The following ZNF383 variants were observed in gnomAD, a reference collection of about 807,000 sequenced individuals.
ZNF383 encodes zinc finger protein 383.
Under a neutral mutation model 44.2 loss-of-function variants are expected in ZNF383, and 32 were observed. The observed-to-expected ratio is 0.72, with a 90% confidence interval of 0.55 to 0.97. The LOEUF is 0.97. Ranked by LOEUF, ZNF383 falls within the 50% of genes least tolerant of loss-of-function variation. The probability of loss-of-function intolerance (pLI) is 0.00; values close to 1 mark genes in which losing one functional copy is unlikely to be tolerated. For missense variants in ZNF383, 487 were observed against 562.5 expected, an observed-to-expected ratio of 0.87 and a Z score of 1.36; for synonymous variants, 155 against 186.2, an observed-to-expected ratio of 0.83 and a Z score of 1.36.
intron 5 of ZNF383, among the ~76,000 whole-genome samples, chr19:37,236,346 G>A (rs927605112): frequency 2.6e-5 from 4 of 151,278 alleles, no homozygotes; most frequent in Non-Finnish European, 5.9e-5. Context: ...TATTTTACCC[G>A]TATTTTAGAT....
chr19:37,220,499 G>C (rs1006406657), intron 1 of ZNF383, among the ~76,000 whole-genome samples: 1 of 151,616 alleles, frequency 6.6e-6, no homozygotes, highest in Non-Finnish European at 1.5e-5. Flanking sequence ...CCTGACCTCA[G>C]GTGAGGCCTC....
rs530267458 is a variant in ZNF383 at position 37,246,271 on chromosome 19, C to G, written c.*2607C>G. On this transcript the variant is annotated 3_prime_UTR_variant, in exon 6 of 6. Coordinates refer to ENST00000684119, the MANE Select transcript of ZNF383 (RefSeq NM_001387601.1). ...GTGATATACTCATTATCATAAGTAT[C>G]TTCATTAGGATTTATGGAAAGGATT... 6.6e-6 allele frequency: 1 copy of G among 152,260 alleles called. No homozygotes were observed. The highest frequency in any genetic ancestry group is 1.5e-5 in the Non-Finnish European group (1 of 68,018). 9.4% of individuals were successfully genotyped at this position (152,260 alleles called of 1,614,324 possible).
intron 5 of ZNF383, among the ~76,000 whole-genome samples, chr19:37,236,679 T>C (rs1423689309): frequency 6.6e-6 from 1 of 151,800 alleles, no homozygotes; most frequent in Non-Finnish European, 1.5e-5. Flanking sequence ...AGGCGATTCT[T>C]CTGCCTCAGC....
chr19:37,229,379 G>A (rs983347404), intron 2 of ZNF383, among the ~76,000 whole-genome samples: 3 of 147,350 alleles, frequency 2.0e-5, no homozygotes, highest in Non-Finnish European at 4.5e-5. Flanking sequence ...GGCTGGTCTC[G>A]AACTCCCGAC....
In ZNF383 at chr19:37,248,675, C is replaced by A; in HGVS notation, c.*5011C>A. The A allele has an allele frequency of 6.6e-6, 1 of 152,116 alleles. No individual in the cohort carries two copies. The highest frequency in any genetic ancestry group is 1.9e-4 in the East Asian group (1 of 5,198). The allele number at this position is 152,116 out of a possible 1,614,324, so 9.4% of individuals were successfully genotyped here. On this transcript the variant is annotated 3_prime_UTR_variant, in exon 6 of 6. Coordinates refer to ENST00000684119, the MANE Select transcript of ZNF383 (RefSeq NM_001387601.1). ...TAACCTCAACATCTTCTAGATGAAC[C>A]CTTTTTTCTAGCAGTATTTGACAGG...
At chr19:37,231,101 G>C (rs1599790398) in intron 3 of ZNF383, among the ~76,000 whole-genome samples, 2 of 152,300 alleles carry the variant, frequency 1.3e-5, no homozygotes, top group East Asian at 3.9e-4. Flanking sequence ...AGTGATAATG[G>C]ATGTTTACAA....
intron 1 of ZNF383, among the ~76,000 whole-genome samples, chr19:37,221,051 C>T (rs1252912678): frequency 6.6e-6 from 1 of 152,144 alleles, no homozygotes; most frequent in African/African-American, 2.4e-5. Flanking sequence ...AGCATATATG[C>T]ATACCTTTCC....
intron 2 of ZNF383, among the ~76,000 whole-genome samples, chr19:37,229,051 TAATGGG>T (rs1412062675): frequency 6.6e-6 from 1 of 151,994 alleles, no homozygotes; most frequent in African/African-American, 2.4e-5. Context: ...ATTAGTTGGC[TAATGGG>T]ATCCCCTTTT....
At chr19:37,240,893 G>A (rs1974051733) in intron 5 of ZNF383, among the ~76,000 whole-genome samples, 1 of 152,142 alleles carries the variant, frequency 6.6e-6, no homozygotes, top group African/African-American at 2.4e-5. Flanking sequence ...GGCAGCCTCT[G>A]CCTCCTGGGT....
At chr19:37,229,147 A>ATTTTT (rs774901192) in intron 2 of ZNF383, among the ~76,000 whole-genome samples, 5 of 116,876 alleles carry the variant, frequency 4.3e-5, no homozygotes, top group Non-Finnish European at 7.0e-5. Context: ...AAAAGGTTGA[A>ATTTTT]TTTTTTTTTT....
chr19:37,222,584 G>T (rs1466661709), intron 1 of ZNF383, among the ~76,000 whole-genome samples: 2 of 152,134 alleles, frequency 1.3e-5, no homozygotes, highest in Admixed American at 1.3e-4. Flanking sequence ...CACCATGTTA[G>T]CCAGGCTGGT....
intron 5 of ZNF383, among the ~76,000 whole-genome samples, chr19:37,241,834 G>A (rs947091791): frequency 6.6e-6 from 1 of 151,422 alleles, no homozygotes; most frequent in African/African-American, 2.4e-5. Flanking sequence ...TTTCTCTCAG[G>A]AGACCTTTAA....
Position 37,242,510 on chromosome 19 carries a change from A to G in ZNF383, c.274A>G (p.Lys92Glu). The change falls in exon 6 of 6, where the codon AAG becomes GAG. Residue 92 changes from lysine to glutamate, a missense_variant. Coordinates refer to ENST00000684119, the MANE Select transcript of ZNF383 (RefSeq NM_001387601.1). ...MCETKLLSLK[K>E]EVYEIELCQR... Reference sequence around the variant, plus strand: ...TGAAACCAAGTTATTATCTCTAAAGAAGGAAGTTTATGAAATAGAATTATG... The same window carrying G: ...TGAAACCAAGTTATTATCTCTAAAGGAGGAAGTTTATGAAATAGAATTATG... 1 of 1,611,336 alleles carries G rather than the reference A, an allele frequency of 6.2e-7. No individual in the cohort carries two copies. The highest frequency in any genetic ancestry group is 8.5e-7 in the Non-Finnish European group (1 of 1,178,570).
intron 5 of ZNF383, among the ~76,000 whole-genome samples, chr19:37,240,835 TCTCA>T (rs751445753): frequency 2.0e-5 from 3 of 151,992 alleles, no homozygotes; most frequent in Non-Finnish European, 4.4e-5. Flanking sequence ...TGAGATGGAG[TCTCA>T]CTCTGTCACC....
At chr19:37,229,703 T>C (rs1181048368) in intron 2 of ZNF383, among the ~76,000 whole-genome samples, 1 of 146,202 alleles carries the variant, frequency 6.8e-6, no homozygotes, top group Non-Finnish European at 1.5e-5. Flanking sequence ...TATATGTATA[T>C]ATATATGTGT....
intron 5 of ZNF383, among the ~76,000 whole-genome samples, chr19:37,238,209 A>T (rs1973913682): frequency 6.6e-6 from 1 of 152,034 alleles, no homozygotes; most frequent in Admixed American, 6.6e-5. Context: ...ATTTTGAAGG[A>T]GAGACATTCA....
intron 5 of ZNF383, among the ~76,000 whole-genome samples, chr19:37,238,010 A>G (rs1170550707): frequency 4.6e-5 from 7 of 151,710 alleles, no homozygotes; most frequent in African/African-American, 1.7e-4. Context: ...CCACAGGCAC[A>G]CGTCACCACG....
chr19:37,235,920 G>A (rs1276244389), intron 4 of ZNF383, 59 bp from the exon 5 acceptor site: 2 of 1,439,386 alleles, frequency 1.4e-6, no homozygotes, highest in African/African-American at 1.4e-5. Context: ...TGATCATCAA[G>A]GGACTGGATC....
chr19:37,219,525 G>A (rs1159152037), intron 1 of ZNF383: 1 of 152,928 alleles, frequency 6.5e-6, no homozygotes, highest in Non-Finnish European at 1.5e-5. Flanking sequence ...AAAGTGCTGG[G>A]ATTACAGGCG....
Sources: gnomAD v4.1 joint callset for allele counts (sites outside exome capture counted in the v4.1 genomes callset) on GRCh38, gnomAD v4.1.1 for gene constraint, MANE v1.5 for transcripts, NCBI Gene and HGNC (gene_info 2026-07-23, HGNC 2026-07-21) for gene names.